The following KCNQ1 variants were observed in gnomAD, a reference collection of about 807,000 sequenced individuals.
The protein encoded by KCNQ1 is potassium voltage-gated channel subfamily KQT member 1.
A neutral mutation model predicts 72.4 loss-of-function variants in KCNQ1; 49 were observed. That is an observed-to-expected ratio of 0.68 (90% CI 0.54 to 0.86). The LOEUF (loss-of-function observed/expected upper bound fraction) is 0.86, where lower values mean the gene tolerates loss of function less well. Ranked by LOEUF, KCNQ1 falls within the 40% of genes least tolerant of loss-of-function variation. KCNQ1 has a pLI of 0.00. For synonymous variants in KCNQ1, 450 were observed against 412.6 expected (o/e 1.09, Z -1.10); for missense variants, 790 against 945.1 (o/e 0.84, Z 2.15).
At position 2,611,200 on chromosome 11, in the gene KCNQ1, C is replaced by A; in HGVS notation, c.1393+22346C>A. ...TAATAACATGGTTTGTTTTTAAAGT[C>A]TATTTTGTCTGATTTTATTTATTTT... is the stretch of plus-strand genomic sequence containing the variant. On this transcript the variant is annotated intron_variant, in intron 10 of 15. Transcript: ENST00000155840. The surrounding 1 kb of genome is among the most constrained non-coding windows in gnomAD (Gnocchi z 5.3). 5.0e-6 allele frequency: 2 copies of A among 398,176 alleles called. No individual in the cohort carries two copies. The highest frequency in any genetic ancestry group is 4.4e-6 in the Non-Finnish European group (1 of 225,970). The allele number at this position is 398,176 out of a possible 1,614,324, so 24.7% of individuals were successfully genotyped here.
intron 15 of KCNQ1, among the ~76,000 whole-genome samples, chr11:2,838,182 A>G (rs1423564593): frequency 1.3e-5 from 2 of 152,246 alleles, no homozygotes; most frequent in Non-Finnish European, 2.9e-5. Flanking sequence ...AGGCAGACAG[A>G]GGTGGGGATG....
chr11:2,818,813 G>A lies in KCNQ1; in HGVS notation c.1795-28954G>A, dbSNP rs1847674744. 6.6e-6 allele frequency among the ~76,000 whole-genome samples: 1 copy of A among 151,782 alleles called. No homozygotes were observed. The highest frequency in any genetic ancestry group is 6.6e-5 in the Admixed American group (1 of 15,254). On this transcript the variant is annotated intron_variant, in intron 15 of 15. Transcript: ENST00000155840. This position sits in a 1 kb window ranked among gnomAD's most constrained non-coding sequence, Gnocchi z 7.2. ...CCCCACCACACACTCCCCAACAGGT[G>A]TCTCCACAACTGCCAGGAGACAGCT...
rs1377067257 is a variant in KCNQ1 at position 2,539,944 on chromosome 11, C to T, written c.477+11926C>T. Among the ~76,000 whole-genome samples the T allele has an allele frequency of 2.0e-5, 3 of 152,304 alleles. No individual in the cohort carries two copies. In the East Asian group the frequency reaches 5.8e-4, roughly 29 times the overall value. ...CTGACCCTGGCCAGCTGGAGAGCCT[C>T]GCTTGAAGCGCAGGGCAGCAGCTGA... On this transcript the variant is annotated intron_variant, in intron 2 of 15. Transcript: ENST00000155840.
Position 2,471,073 on chromosome 11 carries a change from C to T in KCNQ1, c.386+25589C>T, listed in dbSNP as rs1404222525. 2.0e-5 allele frequency among the ~76,000 whole-genome samples: 3 copies of T among 152,150 alleles called. No individual in the cohort carries two copies. The highest frequency in any genetic ancestry group is 2.1e-4 in the South Asian group (1 of 4,824). The stretch of plus-strand genomic sequence containing the variant: ...GGTTCCAGCACATTTGCTGGGATGG[C>T]CCTCCTCCCTCCACAGCAGAGTTCT... On this transcript the variant is annotated intron_variant, in intron 1 of 15. Coordinates refer to ENST00000155840, the MANE Select transcript of KCNQ1 (RefSeq NM_000218.3). This position sits in a 1 kb window ranked among gnomAD's most constrained non-coding sequence, Gnocchi z 4.8.
At chr11:2,736,287 T>A (rs781408072) in intron 11 of KCNQ1, among the ~76,000 whole-genome samples, 5 of 152,132 alleles carry the variant, frequency 3.3e-5, no homozygotes, top group Non-Finnish European at 5.9e-5. Context: ...CCTAATGGGA[T>A]TAAAGGCGAC....
At chr11:2,825,747 A>G (rs1564907236) in intron 15 of KCNQ1, among the ~76,000 whole-genome samples, 1 of 152,172 alleles carries the variant, frequency 6.6e-6, no homozygotes, top group Non-Finnish European at 1.5e-5. Flanking sequence ...TCAGTCATTC[A>G]CACTTCAGTA....
rs1406052725 is a variant in KCNQ1 at position 2,826,779 on chromosome 11, G to T, written c.1795-20988G>T. Among the ~76,000 whole-genome samples, 2 of 152,216 alleles carry T rather than the reference G, an allele frequency of 1.3e-5. No homozygotes were observed. The highest frequency in any genetic ancestry group is 1.3e-4 in the Admixed American group (2 of 15,284). ...AATCCCACTATGTGCTTGGAGCCAT[G>T]CTGGGTGCTGGGGAGACACACTAAC... On this transcript the variant is annotated intron_variant, in intron 15 of 15. Transcript: ENST00000155840. This position sits in a 1 kb window ranked among gnomAD's most constrained non-coding sequence, Gnocchi z 4.2.
rs947077580 is a variant in KCNQ1, at chr11:2,725,179, G to C, written c.1515-43665G>C. On this transcript the variant is annotated intron_variant, in intron 11 of 15. Transcript: ENST00000155840. The surrounding 1 kb of genome is among the most constrained non-coding windows in gnomAD (Gnocchi z 7.2). ...GCACGGATTCCTGACGTGGAGACAGGAGGAAGCCGACGGCCATCTGTGCTC... is the reference window on the plus strand; with the variant it reads ...GCACGGATTCCTGACGTGGAGACAGCAGGAAGCCGACGGCCATCTGTGCTC... 1.3e-5 allele frequency among the ~76,000 whole-genome samples: 2 copies of C among 152,228 alleles called. No homozygotes were observed. The highest frequency in any genetic ancestry group is 2.9e-5 in the Non-Finnish European group (2 of 68,038).
At chr11:2,736,579 A>G (rs1020640855) in intron 11 of KCNQ1, among the ~76,000 whole-genome samples, 5 of 152,154 alleles carry the variant, frequency 3.3e-5, no homozygotes, top group Admixed American at 2.6e-4. Context: ...AGTCAATGCC[A>G]GCTCATCGCC....
In KCNQ1 at chr11:2,679,902, TA is replaced by T. The variant is rs1411774273; in HGVS notation, c.1514+17822del. 17 of 397,996 alleles carry T rather than the reference TA, an allele frequency of 4.3e-5. No individual in the cohort carries two copies. In the East Asian group the frequency reaches 4.6e-4, roughly 11 times the overall value. 24.7% of individuals were successfully genotyped at this position (397,996 alleles called of 1,614,324 possible). On this transcript the variant is annotated intron_variant, in intron 11 of 15. Transcript: ENST00000155840. The surrounding 1 kb of genome is among the most constrained non-coding windows in gnomAD (Gnocchi z 4.8). ...GCACGCCTAATTTTTTTTTTATTTT[TA>T]TTTTTTTTGAGGCAGAGTCTCACTT...
chr11:2,465,668 G>T (rs954963883), intron 1 of KCNQ1, among the ~76,000 whole-genome samples: 16 of 152,324 alleles, frequency 1.1e-4, no homozygotes, highest in African/African-American at 3.6e-4. Flanking sequence ...GGGGAGGGGT[G>T]GGCGCCGAGC....
At chr11:2,667,685 C>T (rs1850105290) in intron 11 of KCNQ1, 3 of 398,612 alleles carry the variant, frequency 7.5e-6, no homozygotes, top group South Asian at 1.3e-4. Context: ...GGCTGAAGCA[C>T]GGAGGTGACC....
chr11:2,743,704 A>C (rs1469574364), intron 11 of KCNQ1, among the ~76,000 whole-genome samples: 2 of 152,206 alleles, frequency 1.3e-5, no homozygotes, highest in African/African-American at 4.8e-5. Flanking sequence ...CCCAGCTTTA[A>C]CCAGCCTTCT....
At position 2,827,575 on chromosome 11, in the gene KCNQ1, C is replaced by G. The variant is rs540414530; in HGVS notation, c.1795-20192C>G. 1.5e-5 allele frequency among the ~76,000 whole-genome samples: 2 copies of G among 137,240 alleles called. No homozygotes were observed. Among genetic ancestry groups the G allele is most frequent in the South Asian group, 2.3e-4 (1 of 4,422 alleles). The allele number at this position is 137,240 out of a possible 152,430, so 90.0% of individuals were successfully genotyped here. On this transcript the variant is annotated intron_variant, in intron 15 of 15. Transcript: ENST00000155840. The surrounding 1 kb of genome is among the most constrained non-coding windows in gnomAD (Gnocchi z 6.7). ...GCAAGGGCCCCTGGGGACGGAGTCT[C>G]TATTCCAGGCAGGCAAACACTCAGC... is the stretch of plus-strand genomic sequence containing the variant.
At chr11:2,465,244 G>A (rs1157539107) in intron 1 of KCNQ1, among the ~76,000 whole-genome samples, 3 of 152,156 alleles carry the variant, frequency 2.0e-5, no homozygotes, top group Non-Finnish European at 2.9e-5. Flanking sequence ...ACTGCAGTGC[G>A]ACCTCCTGGG....
chr11:2,809,548 C>T lies in KCNQ1; in HGVS notation c.1794+31511C>T, dbSNP rs1034344552. 6.6e-6 allele frequency among the ~76,000 whole-genome samples: 1 copy of T among 152,172 alleles called. No homozygotes were observed. Among genetic ancestry groups the T allele is most frequent in the African/African-American group, 2.4e-5 (1 of 41,442 alleles). On this transcript the variant is annotated intron_variant, in intron 15 of 15. Coordinates refer to ENST00000155840, the MANE Select transcript of KCNQ1 (RefSeq NM_000218.3). This position sits in a 1 kb window ranked among gnomAD's most constrained non-coding sequence, Gnocchi z 7.1. ...TGTATGAAGGTGGCAACAGACTCCC[C>T]ATAGTCCTCTCACCACAGACACCTC...
chr11:2,498,960 C>G lies in KCNQ1; in HGVS notation c.387-28968C>G, dbSNP rs1589913933. ...CATGCAAACTGCATGTTTGCAGTTC[C>G]CTCGGCTGGGGGAGGGAGGTCTCCC... On this transcript the variant is annotated intron_variant, in intron 1 of 15. Transcript: ENST00000155840. This position sits in a 1 kb window ranked among gnomAD's most constrained non-coding sequence, Gnocchi z 4.8. Among the ~76,000 whole-genome samples, 2 of 152,202 alleles carry G rather than the reference C, an allele frequency of 1.3e-5. No individual in the cohort carries two copies. Among genetic ancestry groups the G allele is most frequent in the Non-Finnish European group, 2.9e-5 (2 of 68,038 alleles).
chr11:2,628,701 A>G (rs1308366046), intron 10 of KCNQ1: 1 of 398,288 alleles, frequency 2.5e-6, no homozygotes, highest in Non-Finnish European at 4.4e-6. Flanking sequence ...CATCTAAAAA[A>G]TTGTCACAAA....
chr11:2,569,037 C>T (rs1848287415), intron 2 of KCNQ1, among the ~76,000 whole-genome samples: 1 of 152,124 alleles, frequency 6.6e-6, no homozygotes, highest in African/African-American at 2.4e-5. Context: ...GGGCGTGCGC[C>T]ACCATGCCAG....
Sources: gnomAD v4.1 joint callset for allele counts (sites outside exome capture counted in the v4.1 genomes callset) on GRCh38, gnomAD v4.1.1 for gene constraint, Gnocchi (gnomAD v3.1) non-coding constraint, MANE v1.5 for transcripts, NCBI Gene and HGNC (gene_info 2026-07-23, HGNC 2026-07-21) for gene names.